The following TENM3 variants were observed in gnomAD, a reference collection of about 807,000 sequenced individuals.
TENM3 encodes teneurin transmembrane protein 3.
TENM3 carries 63 observed loss-of-function variants against 255.1 expected under a neutral mutation model. That is an observed-to-expected ratio of 0.25 (90% CI 0.20 to 0.30). The LOEUF is 0.30. Among genes scored for constraint, TENM3 ranks in the 10% least tolerant of loss-of-function variants. The pLI, the probability that TENM3 is intolerant of heterozygous loss-of-function variation, is 1.00. For missense variants in TENM3, 2,929 were observed against 3,461.1 expected (o/e 0.85, Z 3.86); for synonymous variants, 1,306 against 1,322.3 (o/e 0.99, Z 0.27).
At chr4:181,708,734 T>C in the TENM3 span, among the ~76,000 whole-genome samples, 1 of 152,210 alleles carries the variant, frequency 6.6e-6, no homozygotes, top group Non-Finnish European at 1.5e-5. Context: ...GACTCTGATC[T>C]GACTGGTCTA....
chr4:181,756,556 G>A, the TENM3 span, among the ~76,000 whole-genome samples: 15 of 152,270 alleles, frequency 9.9e-5, no homozygotes, highest in East Asian at 2.5e-3. Flanking sequence ...AAACCCTGTC[G>A]GATGGGGTTA....
chr4:182,317,426 AG>A (rs1762811448), intron 1 of TENM3, among the ~76,000 whole-genome samples: 1 of 151,952 alleles, frequency 6.6e-6, no homozygotes, highest in African/African-American at 2.4e-5. Flanking sequence ...CAGCCACCCA[AG>A]TAGCTGGGAC....
chr4:181,475,457 C>T, the TENM3 span, among the ~76,000 whole-genome samples: 21 of 152,118 alleles, frequency 1.4e-4, no homozygotes, highest in Admixed American at 1.4e-3. Flanking sequence ...GTAGAGATGT[C>T]TATAGAATAT....
At chr4:182,295,029 T>C (rs546480569) in intron 1 of TENM3, among the ~76,000 whole-genome samples, 36 of 152,164 alleles carry the variant, frequency 2.4e-4, no homozygotes, top group African/African-American at 7.2e-4. Flanking sequence ...CAGTTTGACA[T>C]TTTGATAAAG....
the TENM3 span, among the ~76,000 whole-genome samples, chr4:181,685,800 T>C: frequency 2.0e-5 from 3 of 152,154 alleles, no homozygotes; most frequent in Non-Finnish European, 4.4e-5. Flanking sequence ...GTCAAGTGGT[T>C]TCCCAAAACA....
chr4:182,790,408 C>T (rs549849298), intron 25 of TENM3, among the ~76,000 whole-genome samples: 77 of 152,338 alleles, frequency 5.1e-4, no homozygotes, highest in Middle Eastern at 3.4e-3. Context: ...ACCAGAGGTG[C>T]CCTGGGGAAT....
At chr4:181,874,632 C>T in the TENM3 span, 5 of 152,312 alleles carry the variant, frequency 3.3e-5, no homozygotes, top group African/African-American at 1.2e-4. Flanking sequence ...GGAATCTTGC[C>T]CTCCATTTGT....
chr4:181,978,988 A>ATATC, the TENM3 span, among the ~76,000 whole-genome samples: 1 of 149,766 alleles, frequency 6.7e-6, no homozygotes, highest in Non-Finnish European at 1.5e-5. Context: ...AAAAAAAAAA[A>ATATC]AAGATAGTTA....
At chr4:181,500,471 A>G in the TENM3 span, among the ~76,000 whole-genome samples, 1 of 152,200 alleles carries the variant, frequency 6.6e-6, no homozygotes, top group African/African-American at 2.4e-5. Context: ...GCTATGGATG[A>G]AAAGACTGCA....
At chr4:181,747,616 G>A in the TENM3 span, among the ~76,000 whole-genome samples, 1 of 151,952 alleles carries the variant, frequency 6.6e-6, no homozygotes. Context: ...TATTTTACAT[G>A]TATCAAATAT....
chr4:182,517,868 G>C (rs1738159568), intron 3 of TENM3, among the ~76,000 whole-genome samples: 2 of 152,052 alleles, frequency 1.3e-5, no homozygotes, highest in African/African-American at 4.8e-5. Flanking sequence ...TTCTACTAAT[G>C]CATATAAAAC....
the TENM3 span, among the ~76,000 whole-genome samples, chr4:181,595,225 G>A: frequency 2.0e-5 from 3 of 151,960 alleles, no homozygotes; most frequent in Admixed American, 2.0e-4. Flanking sequence ...GAGGTCAGGA[G>A]TTCGAGATCA....
chr4:181,535,121 G>A, the TENM3 span, among the ~76,000 whole-genome samples: 2 of 152,118 alleles, frequency 1.3e-5, no homozygotes, highest in Non-Finnish European at 2.9e-5. Flanking sequence ...AAGAGTCTCC[G>A]GATGTCACAG....
At chr4:181,887,688 C>T in the TENM3 span, among the ~76,000 whole-genome samples, 16 of 152,174 alleles carry the variant, frequency 1.1e-4, no homozygotes, top group African/African-American at 3.6e-4. Context: ...CTTCTGCACA[C>T]GCTCTGATCA....
chr4:181,616,308 A>G, the TENM3 span, among the ~76,000 whole-genome samples: 17 of 115,536 alleles, frequency 1.5e-4, no homozygotes, highest in East Asian at 2.1e-3. Context: ...AAAAGAACCC[A>G]TAGAATACAC....
At chr4:182,762,630 TCAGC>T (rs1763299007) in intron 22 of TENM3, among the ~76,000 whole-genome samples, 1 of 152,164 alleles carries the variant, frequency 6.6e-6, no homozygotes, top group Non-Finnish European at 1.5e-5. Context: ...CCGTAACTCC[TCAGC>T]CTCCCAGGAA....
chr4:181,816,432 C>G, the TENM3 span, among the ~76,000 whole-genome samples: 2 of 152,164 alleles, frequency 1.3e-5, no homozygotes, highest in Admixed American at 6.6e-5. Flanking sequence ...TTTACTTAGG[C>G]TCCCTGAGCC....
chr4:182,160,934 C>T (rs959705507), intron 1 of TENM3, among the ~76,000 whole-genome samples: 1 of 152,054 alleles, frequency 6.6e-6, no homozygotes, highest in Non-Finnish European at 1.5e-5. Flanking sequence ...TTACATTGTA[C>T]CCCATAGATA....
intron 3 of TENM3, among the ~76,000 whole-genome samples, chr4:182,556,976 C>T (rs537017078): frequency 6.6e-6 from 1 of 152,266 alleles, no homozygotes; most frequent in African/African-American, 2.4e-5. Context: ...TCATTCATTC[C>T]TGCAGCCAGT....
Sources: gnomAD v4.1 joint callset for allele counts (sites outside exome capture counted in the v4.1 genomes callset) on GRCh38, gnomAD v4.1.1 for gene constraint, MANE v1.5 for transcripts, NCBI Gene and HGNC (gene_info 2026-07-23, HGNC 2026-07-21) for gene names.